The following CPSF4L variants were observed in gnomAD, a reference collection of about 807,000 sequenced individuals.
CPSF4L encodes the protein cleavage and polyadenylation specific factor 4 like, also known as putative cleavage and polyadenylation specificity factor subunit 4-like protein.
CPSF4L carries 18 observed loss-of-function variants against 24.0 expected under a neutral mutation model. The ratio of observed to expected loss-of-function variants is 0.75; its 90% CI spans 0.52 to 1.11. The LOEUF (loss-of-function observed/expected upper bound fraction) is 1.11. Ranked by LOEUF, CPSF4L falls within the 50% of genes least tolerant of loss-of-function variation. The probability of loss-of-function intolerance (pLI) is 0.00; values close to 1 mark genes in which losing one functional copy is unlikely to be tolerated. For missense variants in CPSF4L, 211 were observed against 221.8 expected (o/e 0.95, Z 0.31); for synonymous variants, 72 against 77.2 (o/e 0.93, Z 0.35).
rs539774804 is a variant in CPSF4L at position 73,261,799 on chromosome 17, C to A, written c.20G>T (p.Gly7Val). The change falls in exon 1 of 6, where the codon GGG (glycine) becomes GTG (valine). Residue 7 changes from glycine (G) to valine (V), a missense_variant. Transcript: ENST00000344935. Reference protein sequence around the residue: MQEVIAGLERFTFAFEK... With the variant: MQEVIAVLERFTFAFEK... ...GAAGGCAAAGGTGAACCGCTCTAGC[C>A]CCGCAATGACCTCTTGCATCTTCCG... The A allele has an allele frequency of 1.9e-6, 3 of 1,551,718 alleles. No homozygotes were observed. The highest frequency in any genetic ancestry group is 2.4e-5 in the South Asian group (2 of 84,068).
chr17:73,261,970 C>T (rs2062048636), upstream of CPSF4L: 1 of 636,748 alleles, frequency 1.6e-6, no homozygotes, highest in Admixed American at 2.5e-5. Flanking sequence ...GACGCTCCAG[C>T]CTGGGCTGTA....
downstream of CPSF4L, among the ~76,000 whole-genome samples, chr17:73,244,093 A>G (rs2061901232): frequency 6.6e-6 from 1 of 152,228 alleles, no homozygotes; most frequent in African/African-American, 2.4e-5. Flanking sequence ...AGCTTGCACT[A>G]AGTCTTAACC....
chr17:73,258,628 T>C (rs959511790), intron 2 of CPSF4L, among the ~76,000 whole-genome samples: 1 of 152,090 alleles, frequency 6.6e-6, no homozygotes, highest in Non-Finnish European at 1.5e-5. Context: ...AAAGCACAGC[T>C]GTTCCCACTA....
At chr17:73,248,572 T>C in intron 5 of CPSF4L, 36 bp from the exon 6 acceptor site, 1 of 1,548,852 alleles carries the variant, frequency 6.5e-7, no homozygotes, top group East Asian at 2.4e-5. Context: ...TGAGAATCCA[T>C]ACACGTAATC....
chr17:73,249,591 T>G (rs1043328987), intron 5 of CPSF4L, among the ~76,000 whole-genome samples: 2 of 152,140 alleles, frequency 1.3e-5, no homozygotes. Flanking sequence ...CAGTTCTTCC[T>G]CACACATCCC....
intron 5 of CPSF4L, among the ~76,000 whole-genome samples, chr17:73,249,481 C>A (rs1241641393): frequency 6.6e-6 from 1 of 152,150 alleles, no homozygotes; most frequent in African/African-American, 2.4e-5. Context: ...ATTCAACCCC[C>A]CAAAACCCGA....
rs2062042866 is a variant in CPSF4L, at chr17:73,260,998, G to C, written c.104-15C>G. On this transcript the variant is annotated splice_polypyrimidine_tract_variant and intron_variant, in intron 1 of 5. Coordinates refer to ENST00000344935, the MANE Select transcript of CPSF4L (RefSeq NM_001129885.1). Reference sequence around the variant, plus strand: ...TGAGGCCGACTCTGGAAGGAGAAGAGGGAACGGAGAAGGTAGCTTCCCCAG... The same window carrying C: ...TGAGGCCGACTCTGGAAGGAGAAGACGGAACGGAGAAGGTAGCTTCCCCAG... 1 of 1,548,858 alleles carries C rather than the reference G, an allele frequency of 6.5e-7. No homozygotes were observed. The highest frequency in any genetic ancestry group is 2.0e-5 in the Admixed American group (1 of 50,876).
chr17:73,245,737 G>GA (rs937521855), downstream of CPSF4L: 2 of 984,586 alleles, frequency 2.0e-6, no homozygotes, highest in African/African-American at 1.7e-5. Flanking sequence ...GTAAGCCTCC[G>GA]AAAAAAAGCT....
rs550708201 is a variant in CPSF4L at position 73,249,311 on chromosome 17, G to C, written c.498-775C>G. 2.6e-5 allele frequency among the ~76,000 whole-genome samples: 4 copies of C among 152,270 alleles called. No individual in the cohort carries two copies. In the East Asian group the frequency reaches 7.7e-4, roughly 29 times the overall value. On this transcript the variant is annotated intron_variant, in intron 5 of 5. Transcript: ENST00000344935. ...TGCTTTGTGCCGAGTGCCATGCAAG[G>C]TTTTTTACATGTGTTTTCTCCTTTT... is the stretch of plus-strand genomic sequence containing the variant.
downstream of CPSF4L, chr17:73,247,341 G>A (rs763732413): frequency 2.5e-6 from 4 of 1,613,990 alleles, no homozygotes; most frequent in Admixed American, 3.3e-5. Flanking sequence ...GTTTGGATTA[G>A]GAAGCACGTT....
chr17:73,254,324 G>A (rs1023821010), intron 3 of CPSF4L, among the ~76,000 whole-genome samples: 1 of 152,224 alleles, frequency 6.6e-6, no homozygotes, highest in Admixed American at 6.5e-5. Context: ...AGGCTAGCAG[G>A]AACAAGGAGA....
chr17:73,245,215 C>T (rs755089132), downstream of CPSF4L: 3 of 1,613,160 alleles, frequency 1.9e-6, no homozygotes, highest in Non-Finnish European at 2.5e-6. Flanking sequence ...TCACTTAAAG[C>T]TCTGGAACAG....
intron 2 of CPSF4L, among the ~76,000 whole-genome samples, chr17:73,258,802 A>ACCCAG (rs999226077): frequency 6.6e-6 from 1 of 152,144 alleles, no homozygotes; most frequent in African/African-American, 2.4e-5. Context: ...GAATCCCCAC[A>ACCCAG]CCCAGCCCAG....
chr17:73,247,705 C>T (rs1284190685), downstream of CPSF4L: 3 of 174,560 alleles, frequency 1.7e-5, no homozygotes, highest in Non-Finnish European at 3.7e-5. Context: ...AATAAGAAGA[C>T]AGCTTTTTTG....
intron 1 of CPSF4L, among the ~76,000 whole-genome samples, chr17:73,261,418 T>C (rs182894284): frequency 2.3e-3 from 357 of 152,220 alleles, no homozygotes; most frequent in Admixed American, 3.1e-3. Context: ...TCCCAGCACT[T>C]TGGGAGGCCA....
At position 73,261,740 on chromosome 17, in the gene CPSF4L, G is replaced by A. The variant is rs2062047321; in HGVS notation, c.79C>T (p.Leu27Phe). 1 of 1,551,236 alleles carries A rather than the reference G, an allele frequency of 6.4e-7. No homozygotes were observed. The highest frequency in any genetic ancestry group is 8.7e-7 in the Non-Finnish European group (1 of 1,146,636). ...CTGTCCATGCCCTGGAAAGGCAGGA[G>A]CCCAGTGCCCTTCTGCATCTCGACA... is the stretch of plus-strand genomic sequence containing the variant. ...KDVEMQKGTG[L>F]LPFQGMDKSA... is the part of the protein sequence containing the mutation. The change falls in exon 1 of 6, where the codon CTC becomes TTC. Residue 27 changes from leucine (L) to phenylalanine (F), a missense_variant. Coordinates refer to ENST00000344935, the MANE Select transcript of CPSF4L (RefSeq NM_001129885.1).
At chr17:73,251,042 G>C (rs775736035) in intron 5 of CPSF4L, 2 of 1,549,882 alleles carry the variant, frequency 1.3e-6, no homozygotes, top group African/African-American at 2.7e-5. Flanking sequence ...TTGGGGATGG[G>C]GGTTTCCAAG....
At chr17:73,242,828 G>A in the CPSF4L span, 2 of 1,287,390 alleles carry the variant, frequency 1.6e-6, no homozygotes, top group Non-Finnish European at 2.2e-6. Context: ...GGGAAAACTT[G>A]AATGACTCGC....
chr17:73,261,815 G>A lies in CPSF4L; in HGVS notation c.4C>T (p.Gln2Ter). M[Q>*]EVIAGLERFT... The stretch of plus-strand genomic sequence containing the variant: ...CGCTCTAGCCCCGCAATGACCTCTT[G>A]CATCTTCCGTCTCCTGCTGGGGCTG... The change falls in exon 1 of 6, where the codon CAA becomes TAA. Residue 2 changes from glutamine (Q) to a stop codon, truncating the protein, a stop_gained. Transcript: ENST00000344935. LOFTEE classifies it high-confidence loss of function. The A allele has an allele frequency of 1.3e-6, 2 of 1,551,272 alleles. No homozygotes were observed. The highest frequency in any genetic ancestry group is 1.7e-6 in the Non-Finnish European group (2 of 1,146,620).
Sources: allele counts gnomAD v4.1 joint callset (sites outside exome capture counted in the v4.1 genomes callset), GRCh38; gene constraint gnomAD v4.1.1; transcripts MANE v1.5; gene names NCBI Gene and HGNC (gene_info 2026-07-23, HGNC 2026-07-21).